DAB1: variants seen among roughly 807,000 people sequenced by gnomAD.
The protein encoded by DAB1 is DAB adaptor protein 1.
DAB1 carries 15 observed loss-of-function variants against 64.6 expected under a neutral mutation model. The observed-to-expected ratio is 0.23, with a 90% CI of 0.16 to 0.36. DAB1 has a LOEUF of 0.36. DAB1 is among the 10% of genes least tolerant of loss of function. The probability of loss-of-function intolerance (pLI) is 1.00; values close to 1 mark genes in which losing one functional copy is unlikely to be tolerated. For synonymous variants in DAB1, 235 were observed against 251.9 expected (o/e 0.93, Z 0.64); for missense variants, 596 against 706.7 (o/e 0.84, Z 1.78).
intron 7 of DAB1, among the ~76,000 whole-genome samples, chr1:57,577,771 A>G (rs1305626113): frequency 2.6e-5 from 4 of 152,186 alleles, no homozygotes; most frequent in Non-Finnish European, 4.4e-5. Flanking sequence ...GTTCATACTT[A>G]GTATGTTCCC....
At chr1:58,374,283 G>A (rs1330785479) in intron 3 of DAB1, among the ~76,000 whole-genome samples, 1 of 125,394 alleles carries the variant, frequency 8.0e-6, no homozygotes, top group Non-Finnish European at 1.7e-5. Flanking sequence ...GTAATGCCTA[G>A]GTTTTCTTCT....
chr1:57,304,854 G>A (rs1250500073), intron 1 of DAB1, among the ~76,000 whole-genome samples: 1 of 152,174 alleles, frequency 6.6e-6, no homozygotes, highest in Non-Finnish European at 1.5e-5. Context: ...CTCCTATGAT[G>A]AGAAATCTGA....
intron 4 of DAB1, among the ~76,000 whole-genome samples, chr1:58,304,385 C>T (rs1662252582): frequency 6.6e-6 from 1 of 152,278 alleles, no homozygotes; most frequent in African/African-American, 2.4e-5. Context: ...TGTGACACTT[C>T]TTCTGAAGCA....
intron 5 of DAB1, among the ~76,000 whole-genome samples, chr1:57,901,580 G>C (rs1315629957): frequency 2.6e-5 from 4 of 152,090 alleles, no homozygotes; most frequent in African/African-American, 9.7e-5. Context: ...ATGACCTGCT[G>C]CTGGCCTTTC....
At chr1:57,090,353 C>G (rs908574843) in intron 4 of DAB1, among the ~76,000 whole-genome samples, 1 of 152,130 alleles carries the variant, frequency 6.6e-6, no homozygotes, top group Non-Finnish European at 1.5e-5. Context: ...GGTATCTAGT[C>G]TCAATGTCTT....
chr1:57,804,645 G>T (rs1651280499), intron 6 of DAB1, among the ~76,000 whole-genome samples: 1 of 152,140 alleles, frequency 6.6e-6, no homozygotes, highest in Non-Finnish European at 1.5e-5. Flanking sequence ...AGCAGGTTTT[G>T]GTGCATAGGT....
At chr1:58,230,778 G>C (rs921277665) in intron 4 of DAB1, among the ~76,000 whole-genome samples, 1 of 152,322 alleles carries the variant, frequency 6.6e-6, no homozygotes, top group Non-Finnish European at 1.5e-5. Flanking sequence ...GCTTAATAAA[G>C]GTGTAACACA....
intron 5 of DAB1, among the ~76,000 whole-genome samples, chr1:58,055,095 C>T (rs1647971041): frequency 6.6e-6 from 1 of 152,210 alleles, no homozygotes; most frequent in South Asian, 2.1e-4. Context: ...AAAATGAGGA[C>T]TCTTATTCCC....
rs188428514 is a variant in DAB1, at chr1:58,390,382, G to T, written n.258-46979C>A. On this transcript the variant is annotated intron_variant and non_coding_transcript_variant, in intron 3 of 20. Coordinates refer to the DAB1 transcript ENST00000485760. ...GGTTTCACTTGAGTTTAATTACAGA[G>T]GCTCTAGAAGGGAGGGGAAGGTGAA... is the stretch of plus-strand genomic sequence containing the variant. Among the ~76,000 whole-genome samples, 171 of 152,254 alleles carry T rather than the reference G, an allele frequency of 1.1e-3. 2 individuals are homozygous for T. The highest frequency in any genetic ancestry group is 3.9e-3 in the African/African-American group (162 of 41,546).
chr1:57,764,167 A>G (rs967260084), intron 6 of DAB1, among the ~76,000 whole-genome samples: 8 of 152,224 alleles, frequency 5.3e-5, no homozygotes, highest in African/African-American at 1.9e-4. Context: ...AAAGAAGGCA[A>G]TCAGTCCCAG....
chr1:58,317,002 C>T (rs1273695561), intron 4 of DAB1, among the ~76,000 whole-genome samples: 1 of 152,166 alleles, frequency 6.6e-6, no homozygotes, highest in Admixed American at 6.5e-5. Flanking sequence ...GATCCATAAC[C>T]AATCAGTTCA....
Position 57,014,890 on chromosome 1 carries a change from G to A in DAB1, c.1437C>T (p.Thr479=). The change falls in exon 12 of 15, where the codon ACC becomes ACT. Residue 479 remains threonine, a synonymous_variant. Coordinates refer to ENST00000371236, the MANE Select transcript of DAB1 (RefSeq NM_001365792.1). ...TAAGTGAGGGGCACTCACGTGAGTT[G>A]GTCGATGGTGTGGTAGAAGTCACAG... ...LTPVTSTTPS[T]NSPPTPAPRQ... 1 of 1,565,380 alleles carries A rather than the reference G, an allele frequency of 6.4e-7. No individual in the cohort carries two copies. The highest frequency in any genetic ancestry group is 1.4e-5 in the African/African-American group (1 of 73,856).
chr1:57,359,773 T>C (rs1187992989), intron 1 of DAB1, among the ~76,000 whole-genome samples: 1 of 152,082 alleles, frequency 6.6e-6, no homozygotes, highest in East Asian at 1.9e-4. Context: ...AATGAAATCC[T>C]GCCATTTGTG....
chr1:57,685,518 G>A (rs949593191), intron 6 of DAB1, among the ~76,000 whole-genome samples: 17 of 152,066 alleles, frequency 1.1e-4, no homozygotes, highest in South Asian at 2.1e-4. Flanking sequence ...GGAAACTAGC[G>A]AAGAAATTCT....
chr1:57,120,476 C>G (rs562325079), intron 4 of DAB1, among the ~76,000 whole-genome samples: 1 of 152,164 alleles, frequency 6.6e-6, no homozygotes, highest in South Asian at 2.1e-4. Context: ...TAAGATTGAC[C>G]ATTTTTACCA....
intron 6 of DAB1, among the ~76,000 whole-genome samples, chr1:57,710,450 A>G (rs899877626): frequency 2.0e-5 from 3 of 152,204 alleles, no homozygotes; most frequent in South Asian, 2.1e-4. Context: ...TGTCTATACT[A>G]TAGGTGAATT....
intron 5 of DAB1, among the ~76,000 whole-genome samples, chr1:58,024,999 G>A (rs1160539638): frequency 1.3e-5 from 2 of 151,922 alleles, no homozygotes; most frequent in Non-Finnish European, 2.9e-5. Context: ...CTTATAACAA[G>A]TCTATCTACC....
intron 5 of DAB1, among the ~76,000 whole-genome samples, chr1:57,931,467 G>A (rs1394249954): frequency 6.6e-6 from 1 of 152,216 alleles, no homozygotes; most frequent in Non-Finnish European, 1.5e-5. Flanking sequence ...ATTCACCAGT[G>A]AATCCATCTA....
chr1:57,016,832 C>T (rs546401208), intron 11 of DAB1, among the ~76,000 whole-genome samples: 4 of 152,280 alleles, frequency 2.6e-5, no homozygotes, highest in Admixed American at 1.3e-4. Context: ...GCCTACAACA[C>T]GCCACGTACA....
Sources: allele counts gnomAD v4.1 joint callset (sites outside exome capture counted in the v4.1 genomes callset), GRCh38; gene constraint gnomAD v4.1.1; transcripts MANE v1.5; gene names NCBI Gene and HGNC (gene_info 2026-07-23, HGNC 2026-07-21).